The following ANKS3 variants were observed in gnomAD, a reference collection of about 807,000 sequenced individuals.
ANKS3 encodes the protein ankyrin repeat and SAM domain-containing protein 3.
A neutral mutation model predicts 80.7 loss-of-function variants in ANKS3; 62 were observed. The observed-to-expected ratio is 0.77, with a 90% CI of 0.63 to 0.95. The LOEUF (loss-of-function observed/expected upper bound fraction) is 0.95, where lower values mean the gene tolerates loss of function less well. Ranked by LOEUF, ANKS3 falls within the 40% of genes least tolerant of loss-of-function variation. The pLI is 0.00. For missense variants in ANKS3, 1,150 were observed against 883.6 expected (o/e 1.30, Z -3.82); for synonymous variants, 489 against 355.3 (o/e 1.38, Z -4.23).
chr16:4,712,826 C>T (rs965898268), intron 7 of ANKS3, among the ~76,000 whole-genome samples: 6 of 152,094 alleles, frequency 3.9e-5, no homozygotes, highest in African/African-American at 1.5e-4. Context: ...CGGTGCAATT[C>T]AACAAAGTCA....
chr16:4,697,204 C>A (rs752152210), intron 16 of ANKS3, 100 bp from the exon 17 acceptor site: 2 of 1,554,672 alleles, frequency 1.3e-6, no homozygotes, highest in Admixed American at 1.7e-5. Flanking sequence ...GCCCCTCACC[C>A]GTTATGGCCC....
At position 4,734,151 on chromosome 16, in the gene ANKS3, C is replaced by A; in HGVS notation, c.-284G>T. On this transcript the variant is annotated 5_prime_UTR_variant, in exon 1 of 18. Transcript: ENST00000304283. Reference sequence around the variant, plus strand: ...GTGCTGGGGCCGGGCCGCCGCGGAACCCACCTGTGCTGGGCCTCAGGCCTT... The same window carrying A: ...GTGCTGGGGCCGGGCCGCCGCGGAAACCACCTGTGCTGGGCCTCAGGCCTT... 1 of 490,014 alleles carries A rather than the reference C, an allele frequency of 2.0e-6. No individual in the cohort carries two copies. The highest frequency in any genetic ancestry group is 2.7e-6 in the Non-Finnish European group (1 of 377,142). The allele number at this position is 490,014 out of a possible 1,614,324, so 30.4% of individuals were successfully genotyped here.
chr16:4,718,507 C>T (rs183953507), intron 6 of ANKS3, among the ~76,000 whole-genome samples: 1 of 152,348 alleles, frequency 6.6e-6, no homozygotes, highest in Non-Finnish European at 1.5e-5. Context: ...GCCCTTTCCT[C>T]CCCTAGCAAA....
Position 4,702,131 on chromosome 16 carries a change from ACATCCC to A in ANKS3, c.974_979del (p.Arg325_Val327delinsLeu). On this transcript the variant is annotated inframe_deletion, in exon 9 of 18. Coordinates refer to ENST00000304283, the MANE Select transcript of ANKS3 (RefSeq NM_133450.4). ...ACTGCTGCTGCTGCTGCTGCTCTCC[ACATCCC>A]GCTCATTGATGGGGGAGGTGACATC... 1 of 1,598,702 alleles carries A rather than the reference ACATCCC, an allele frequency of 6.3e-7. No individual in the cohort carries two copies. The highest frequency in any genetic ancestry group is 8.5e-7 in the Non-Finnish European group (1 of 1,173,614).
chr16:4,705,059 A>G, intron 8 of ANKS3, 36 bp downstream of exon 8: 2 of 1,604,128 alleles, frequency 1.2e-6, no homozygotes, highest in Non-Finnish European at 1.7e-6. Context: ...CTGGTATGCA[A>G]TGAGAAAGAG....
chr16:4,733,804 TGGTGGTAACTGTCACGCCCACAGA>T, intron 1 of ANKS3, 110 bp downstream of exon 1: 1 of 458,122 alleles, frequency 2.2e-6, no homozygotes, highest in Non-Finnish European at 2.9e-6. Context: ...AATGTGATGC[TGGTGGTAACTGTCACGCCCACAGA>T]GGAGGTCTGT....
rs1040731355 is a variant in ANKS3, at chr16:4,705,714, C to A, written c.710-461G>T. Reference sequence around the variant, plus strand: ...CAAACTCCTGATCTGCCTGCCTTGGCCTCCCAAAGTGCTGGGATTACAGGC... The same window carrying A: ...CAAACTCCTGATCTGCCTGCCTTGGACTCCCAAAGTGCTGGGATTACAGGC... On this transcript the variant is annotated intron_variant, in intron 7 of 17. Coordinates refer to ENST00000304283, the MANE Select transcript of ANKS3 (RefSeq NM_133450.4). 2.5e-4 allele frequency among the ~76,000 whole-genome samples: 38 copies of A among 152,130 alleles called. 2 individuals carry two copies. Among genetic ancestry groups the A allele is most frequent in the Non-Finnish European group, 1.5e-5 (1 of 68,040 alleles).
At chr16:4,713,460 G>T (rs1445053103) in intron 7 of ANKS3, among the ~76,000 whole-genome samples, 1 of 152,104 alleles carries the variant, frequency 6.6e-6, no homozygotes, top group Admixed American at 6.6e-5. Context: ...GGGAAAAAAA[G>T]GATATAATGA....
At chr16:4,726,060 C>T (rs2081334757) in intron 5 of ANKS3, among the ~76,000 whole-genome samples, 1 of 151,668 alleles carries the variant, frequency 6.6e-6, no homozygotes, top group African/African-American at 2.4e-5. Flanking sequence ...ACTGCAAGCT[C>T]CACCTCCCGG....
rs2081826738 is a variant in ANKS3 at position 4,734,163 on chromosome 16, G to A, written c.-296C>T. ...GGCCGCCGCGGAACCCACCTGTGCT[G>A]GGCCTCAGGCCTTGCGCCGCCCTCG... On this transcript the variant is annotated 5_prime_UTR_variant, in exon 1 of 18. Transcript: ENST00000304283. The A allele has an allele frequency of 2.5e-6, 1 of 392,960 alleles. No individual in the cohort carries two copies. The highest frequency in any genetic ancestry group is 3.5e-6 in the Non-Finnish European group (1 of 288,464). The allele number at this position is 392,960 out of a possible 1,614,324, so 24.3% of individuals were successfully genotyped here.
At position 4,703,423 on chromosome 16, in the gene ANKS3, T is replaced by A. The variant is rs375717911; in HGVS notation, c.869-1181A>T. 1.4e-4 allele frequency among the ~76,000 whole-genome samples: 6 copies of A among 41,890 alleles called. No homozygotes were observed. In the East Asian group the frequency reaches 4.3e-3, roughly 30 times the overall value. 27.5% of individuals were successfully genotyped at this position (41,890 alleles called of 152,430 possible). A position where few individuals can be genotyped will look rare whatever the true frequency, so the allele number is the denominator to read the frequency against. On this transcript the variant is annotated intron_variant, in intron 8 of 17. Coordinates refer to ENST00000304283, the MANE Select transcript of ANKS3 (RefSeq NM_133450.4). ...AGCCACTGCACCTGGCCCCCCCAAT[T>A]TTTTTTTTTTTTTTTTGAGACGGAG...
Position 4,702,814 on chromosome 16 carries a change from A to G in ANKS3, c.869-572T>C, listed in dbSNP as rs147545481. ...GAAAAAGGGGCATGTATACCAGGCA[A>G]TTTCACTCCAGTTTTGCCCCTTTAC... On this transcript the variant is annotated intron_variant, in intron 8 of 17. Coordinates refer to ENST00000304283, the MANE Select transcript of ANKS3 (RefSeq NM_133450.4). 1.8e-3 allele frequency among the ~76,000 whole-genome samples: 275 copies of G among 152,230 alleles called. 1 individual carries two copies. The highest frequency in any genetic ancestry group is 6.2e-3 in the African/African-American group (259 of 41,552).
At chr16:4,708,524 T>C (rs986144874) in intron 7 of ANKS3, among the ~76,000 whole-genome samples, 5 of 151,862 alleles carry the variant, frequency 3.3e-5, no homozygotes, top group African/African-American at 1.2e-4. Context: ...GTAAGCCAAA[T>C]AAAAATAAAA....
At chr16:4,698,655 C>G in intron 13 of ANKS3, 56 bp from the exon 14 acceptor site, 2 of 1,530,850 alleles carry the variant, frequency 1.3e-6, no homozygotes, top group South Asian at 2.5e-5. Context: ...AAGCCAGACC[C>G]TTGGCCACGG....
chr16:4,721,617 GATTT>G (rs778426725), intron 6 of ANKS3, among the ~76,000 whole-genome samples: 5 of 89,846 alleles, frequency 5.6e-5, no homozygotes, highest in East Asian at 8.1e-4. Flanking sequence ...TCTCTTTATT[GATTT>G]ATTGATTTAT....
intron 5 of ANKS3, chr16:4,725,069 T>G (rs936489352): frequency 7.1e-5 from 26 of 368,634 alleles, no homozygotes; most frequent in Middle Eastern, 7.0e-4. Flanking sequence ...GATGTCTGCC[T>G]GTCGTCCCAC....
chr16:4,733,224 A>AAAC (rs2081752177), intron 1 of ANKS3, among the ~76,000 whole-genome samples: 1 of 151,362 alleles, frequency 6.6e-6, no homozygotes, highest in African/African-American at 2.4e-5. Context: ...AAAAAAAAAA[A>AAAC]AGATCTAGTA....
chr16:4,708,807 G>A (rs2080336316), intron 7 of ANKS3, among the ~76,000 whole-genome samples: 1 of 151,838 alleles, frequency 6.6e-6, no homozygotes, highest in African/African-American at 2.4e-5. Flanking sequence ...GTGTGGTGGT[G>A]GGCACCCTGT....
At chr16:4,705,579 C>T (rs1284474292) in intron 7 of ANKS3, among the ~76,000 whole-genome samples, 2 of 152,198 alleles carry the variant, frequency 1.3e-5, no homozygotes, top group Non-Finnish European at 2.9e-5. Flanking sequence ...ATTCTCACGC[C>T]TCACCCTTCC....
Sources: allele counts gnomAD v4.1 joint callset (sites outside exome capture counted in the v4.1 genomes callset), GRCh38; gene constraint gnomAD v4.1.1; transcripts MANE v1.5; gene names NCBI Gene and HGNC (gene_info 2026-07-23, HGNC 2026-07-21).